SEMA5A: variants seen among roughly 807,000 people sequenced by gnomAD.
SEMA5A encodes semaphorin-5A.
SEMA5A carries 55 observed loss-of-function variants against 135.5 expected under a neutral mutation model. The ratio of observed to expected loss-of-function variants is 0.41; its 90% CI spans 0.33 to 0.51. The LOEUF (loss-of-function observed/expected upper bound fraction) is 0.51, where lower values mean the gene tolerates loss of function less well. SEMA5A is among the 20% of genes least tolerant of loss of function. The pLI, the probability that SEMA5A is intolerant of heterozygous loss-of-function variation, is 0.37. For missense variants in SEMA5A, 1,290 were observed against 1,419.9 expected, an observed-to-expected ratio of 0.91 and a Z score of 1.47; for synonymous variants, 580 against 546.5, an observed-to-expected ratio of 1.06 and a Z score of -0.85.
At chr5:9,168,657 G>A (rs1201590239) in intron 11 of SEMA5A, among the ~76,000 whole-genome samples, 1 of 152,204 alleles carries the variant, frequency 6.6e-6, no homozygotes, top group African/African-American at 2.4e-5. Context: ...AGTGACAGGG[G>A]CTGGATGTAC....
intron 11 of SEMA5A, among the ~76,000 whole-genome samples, chr5:9,157,694 C>T (rs1387231991): frequency 4.6e-5 from 7 of 152,190 alleles, no homozygotes; most frequent in East Asian, 1.9e-4. Flanking sequence ...GCTCTGGCAA[C>T]GGCCACCAGG....
chr5:9,124,880 C>T (rs2150191315), intron 13 of SEMA5A, among the ~76,000 whole-genome samples: 1 of 152,330 alleles, frequency 6.6e-6, no homozygotes, highest in East Asian at 1.9e-4. Flanking sequence ...TGCACCCCTC[C>T]TCCTCTGCCA....
At position 9,239,609 on chromosome 5, in the gene SEMA5A, T is replaced by G. The variant is rs138652871; in HGVS notation, c.271-1719A>C. 2.9e-3 allele frequency among the ~76,000 whole-genome samples: 444 copies of G among 152,188 alleles called. 6 individuals carry two copies. The highest frequency in any genetic ancestry group is 0.01 in the African/African-American group (424 of 41,556). ...TCCACGTCTTGGCCTTTACTTAAAC[T>G]TAAAACAGTATTGAGGATTGATTAA... is the stretch of plus-strand genomic sequence containing the variant. On this transcript the variant is annotated intron_variant, in intron 5 of 22. Transcript: ENST00000382496.
intron 3 of SEMA5A, among the ~76,000 whole-genome samples, chr5:9,358,473 C>G (rs567872982): frequency 6.6e-6 from 1 of 152,172 alleles, no homozygotes; most frequent in South Asian, 2.1e-4. Flanking sequence ...AAGGGTCTTC[C>G]CTGTGCACAC....
At chr5:9,389,461 C>T (rs934573355) in intron 2 of SEMA5A, among the ~76,000 whole-genome samples, 1 of 152,192 alleles carries the variant, frequency 6.6e-6, no homozygotes, top group African/African-American at 2.4e-5. Context: ...TATCTGTCTT[C>T]ATCAGCTGTC....
At position 9,441,679 on chromosome 5, in the gene SEMA5A, G is replaced by A. The variant is rs146850207; in HGVS notation, c.-174-3827C>T. 1.0e-3 allele frequency among the ~76,000 whole-genome samples: 154 copies of A among 152,348 alleles called. 2 individuals are homozygous for A. In the East Asian group the frequency reaches 0.024, roughly 24 times the overall value. ...AAGACAAGGAAGTAAACAGGAGGGT[G>A]GATTCCAGGTGGCAGGCCAAGGAGC... On this transcript the variant is annotated intron_variant, in intron 1 of 22. Coordinates refer to ENST00000382496, the MANE Select transcript of SEMA5A (RefSeq NM_003966.3).
chr5:9,155,511 G>A (rs1322552217), intron 11 of SEMA5A, among the ~76,000 whole-genome samples: 2 of 151,150 alleles, frequency 1.3e-5, no homozygotes, highest in African/African-American at 2.5e-5. Flanking sequence ...GCAACTCCTT[G>A]CTGACACCCT....
intron 10 of SEMA5A, among the ~76,000 whole-genome samples, chr5:9,193,479 C>A (rs558391853): frequency 6.6e-5 from 10 of 152,154 alleles, no homozygotes; most frequent in Non-Finnish European, 1.0e-4. Context: ...GTTTCTAGGA[C>A]AACAAATCCA....
intron 16 of SEMA5A, among the ~76,000 whole-genome samples, chr5:9,071,340 C>T (rs577075600): frequency 6.6e-6 from 1 of 152,270 alleles, no homozygotes; most frequent in East Asian, 1.9e-4. Flanking sequence ...CCCCCATCAC[C>T]ATAGGCCTGA....
intron 16 of SEMA5A, among the ~76,000 whole-genome samples, chr5:9,068,677 ATGT>A (rs1030179719): frequency 6.6e-6 from 1 of 152,052 alleles, no homozygotes. Flanking sequence ...AAGTCACCCA[ATGT>A]TGTTTTGCCA....
At chr5:9,460,447 CTAAAG>C (rs1759012945) in intron 1 of SEMA5A, among the ~76,000 whole-genome samples, 2 of 151,954 alleles carry the variant, frequency 1.3e-5, no homozygotes, top group Non-Finnish European at 2.9e-5. Flanking sequence ...TATGCAGATA[CTAAAG>C]TATTTTTAAA....
chr5:9,384,938 G>A (rs1755823312), intron 2 of SEMA5A, among the ~76,000 whole-genome samples: 1 of 151,942 alleles, frequency 6.6e-6, no homozygotes, highest in African/African-American at 2.4e-5. Context: ...GCTACATTTG[G>A]GAAATACATT....
At chr5:9,047,450 C>T (rs1212749309) in intron 21 of SEMA5A, among the ~76,000 whole-genome samples, 4 of 152,098 alleles carry the variant, frequency 2.6e-5, no homozygotes, top group Non-Finnish European at 5.9e-5. Flanking sequence ...AAGTAGTGCC[C>T]ATTAAATTTC....
chr5:9,138,643 G>T (rs921558121), intron 12 of SEMA5A, among the ~76,000 whole-genome samples: 6 of 152,168 alleles, frequency 3.9e-5, no homozygotes, highest in African/African-American at 1.4e-4. Context: ...AACAGGTGGT[G>T]TTTGGTTACA....
chr5:9,359,581 T>C (rs1754601626), intron 3 of SEMA5A, among the ~76,000 whole-genome samples: 1 of 152,214 alleles, frequency 6.6e-6, no homozygotes, highest in African/African-American at 2.4e-5. Context: ...CAGTCCTTCC[T>C]TTCCTGAAGG....
At chr5:9,344,846 G>A (rs1046382855) in intron 3 of SEMA5A, among the ~76,000 whole-genome samples, 1 of 152,144 alleles carries the variant, frequency 6.6e-6, no homozygotes, top group Non-Finnish European at 1.5e-5. Context: ...ATCAAAGCAG[G>A]TTACAGCAGG....
chr5:9,126,556 C>CAAAAA lies in SEMA5A; in HGVS notation c.1600-3724_1600-3720dup, dbSNP rs112437159. On this transcript the variant is annotated intron_variant, in intron 13 of 22. Transcript: ENST00000382496. ...GCACTGGGAACAACAGGAATGACAG[C>CAAAAA]AAAAAAAAAAAAAGAGCTGAATTAT... Among the ~76,000 whole-genome samples the CAAAAA allele has an allele frequency of 2.8e-3, 378 of 136,548 alleles. 1 individual carries two copies. Among genetic ancestry groups the CAAAAA allele is most frequent in the African/African-American group, 0.01 (368 of 36,634 alleles). 89.6% of individuals were successfully genotyped at this position (136,548 alleles called of 152,430 possible).
At chr5:9,244,341 C>G (rs1157545968) in intron 5 of SEMA5A, among the ~76,000 whole-genome samples, 3 of 152,148 alleles carry the variant, frequency 2.0e-5, no homozygotes, top group Non-Finnish European at 4.4e-5. Flanking sequence ...AGTGCCCCCA[C>G]CCCATTCTTT....
At chr5:9,139,355 A>G (rs1252927068) in intron 12 of SEMA5A, among the ~76,000 whole-genome samples, 3 of 152,182 alleles carry the variant, frequency 2.0e-5, no homozygotes, top group Non-Finnish European at 2.9e-5. Flanking sequence ...CCAACCAACA[A>G]TATGGGAGTG....
Sources: gnomAD v4.1 joint callset for allele counts (sites outside exome capture counted in the v4.1 genomes callset) on GRCh38, gnomAD v4.1.1 for gene constraint, MANE v1.5 for transcripts, NCBI Gene and HGNC (gene_info 2026-07-23, HGNC 2026-07-21) for gene names.